TBC1D19: variants seen among roughly 807,000 people sequenced by gnomAD.
The protein encoded by TBC1D19 is TBC1 domain family, member 19.
In TBC1D19, 60 loss-of-function variants were observed where a neutral mutation model predicts 89.0. That is an observed-to-expected ratio of 0.67 (90% CI 0.55 to 0.84). The LOEUF is 0.84. Ranked by LOEUF, TBC1D19 falls within the 40% of genes least tolerant of loss-of-function variation. The pLI, the probability that TBC1D19 is intolerant of heterozygous loss-of-function variation, is 0.00. For missense variants in TBC1D19, 500 were observed against 610.8 expected (o/e 0.82, Z 1.91); for synonymous variants, 189 against 199.7 (o/e 0.95, Z 0.45).
intron 14 of TBC1D19, 117 bp from the exon 15 acceptor site, chr4:26,719,964 C>A: frequency 1.5e-6 from 1 of 672,824 alleles, no homozygotes; most frequent in Non-Finnish European, 2.3e-6. Context: ...CATGAAATGA[C>A]ATATCAGTTT....
chr4:26,689,433 T>G (rs1399114115), intron 13 of TBC1D19, among the ~76,000 whole-genome samples: 1 of 152,168 alleles, frequency 6.6e-6, no homozygotes, highest in Non-Finnish European at 1.5e-5. Context: ...AGTAAATTTT[T>G]GAATATACAG....
rs979797692 is a variant in TBC1D19, at chr4:26,755,070, C to G, written c.*123C>G. ...TAAGCCAATAAAGATCATGTTCCCTCTTCAGTTAAACCTAAGTAGTTTCTC... is the reference window on the plus strand; with the variant it reads ...TAAGCCAATAAAGATCATGTTCCCTGTTCAGTTAAACCTAAGTAGTTTCTC... On this transcript the variant is annotated 3_prime_UTR_variant, in exon 21 of 21. Coordinates refer to ENST00000264866, the MANE Select transcript of TBC1D19 (RefSeq NM_018317.4). 4.8e-5 allele frequency: 39 copies of G among 816,054 alleles called. No homozygotes were observed. The highest frequency in any genetic ancestry group is 9.2e-6 in the Non-Finnish European group (5 of 543,876). The allele number at this position is 816,054 out of a possible 1,614,324, so 50.6% of individuals were successfully genotyped here. A position where few individuals can be genotyped will look rare whatever the true frequency, so the allele number is the denominator to read the frequency against.
intron 7 of TBC1D19, among the ~76,000 whole-genome samples, chr4:26,641,369 G>A (rs1446432481): frequency 2.6e-5 from 4 of 152,164 alleles, no homozygotes; most frequent in Non-Finnish European, 5.9e-5. Flanking sequence ...AAACAGAAAG[G>A]AATAGCATCA....
At chr4:26,589,128 A>T (rs1739607720) in intron 1 of TBC1D19, among the ~76,000 whole-genome samples, 1 of 152,150 alleles carries the variant, frequency 6.6e-6, no homozygotes, top group Non-Finnish European at 1.5e-5. Context: ...TACAAAAATT[A>T]GCCAGGTGTG....
At chr4:26,740,663 A>G in intron 17 of TBC1D19, 1 of 985,194 alleles carries the variant, frequency 1.0e-6, no homozygotes. Context: ...TAAGAGCAGT[A>G]TTTATTTTAT....
At chr4:26,622,500 T>C (rs1394643237) in intron 4 of TBC1D19, among the ~76,000 whole-genome samples, 3 of 152,148 alleles carry the variant, frequency 2.0e-5, no homozygotes, top group Non-Finnish European at 4.4e-5. Context: ...GGTACACGTA[T>C]GATACTCCTC....
chr4:26,651,959 T>G (rs1744421531), intron 7 of TBC1D19, among the ~76,000 whole-genome samples: 1 of 152,224 alleles, frequency 6.6e-6, no homozygotes, highest in African/African-American at 2.4e-5. Flanking sequence ...TTTCTGCATC[T>G]ATTGGGATAA....
intron 4 of TBC1D19, among the ~76,000 whole-genome samples, chr4:26,633,405 T>C (rs1742923611): frequency 6.6e-6 from 1 of 152,116 alleles, no homozygotes; most frequent in African/African-American, 2.4e-5. Flanking sequence ...TTGTCCAATA[T>C]CAAAACAGCT....
chr4:26,601,893 C>T (rs906052058), intron 1 of TBC1D19, among the ~76,000 whole-genome samples: 8 of 152,186 alleles, frequency 5.3e-5, no homozygotes, highest in African/African-American at 1.4e-4. Context: ...GCTTTGCTCC[C>T]GTTTTCCAGT....
intron 9 of TBC1D19, among the ~76,000 whole-genome samples, chr4:26,670,877 T>C (rs528369434): frequency 1.3e-5 from 2 of 151,624 alleles, no homozygotes; most frequent in Admixed American, 6.6e-5. Context: ...TTCAAGGTGT[T>C]GTAGAGAATT....
chr4:26,769,916 G>A, the TBC1D19 span, among the ~76,000 whole-genome samples: 7 of 151,876 alleles, frequency 4.6e-5, no homozygotes, highest in South Asian at 2.1e-4. Flanking sequence ...AGTTAAATAC[G>A]TATATTTTTT....
At chr4:26,772,106 G>C in the TBC1D19 span, among the ~76,000 whole-genome samples, 1 of 149,312 alleles carries the variant, frequency 6.7e-6, no homozygotes, top group East Asian at 2.0e-4. Flanking sequence ...TTTGACATAA[G>C]GTAGTTTTAG....
chr4:26,619,103 T>C (rs1031346365), intron 3 of TBC1D19, among the ~76,000 whole-genome samples: 1 of 152,212 alleles, frequency 6.6e-6, no homozygotes, highest in Admixed American at 6.5e-5. Context: ...TGAATGACTT[T>C]CAAGTTGTCT....
intron 19 of TBC1D19, among the ~76,000 whole-genome samples, chr4:26,748,973 C>T (rs999862019): frequency 3.3e-5 from 5 of 152,214 alleles, no homozygotes; most frequent in African/African-American, 4.8e-5. Context: ...CTCAGCTCTT[C>T]TGTGTCTATT....
At chr4:26,672,689 G>A (rs1180590760) in intron 10 of TBC1D19, among the ~76,000 whole-genome samples, 1 of 151,822 alleles carries the variant, frequency 6.6e-6, no homozygotes, top group Non-Finnish European at 1.5e-5. Flanking sequence ...TCTTTTCCTT[G>A]TTTTTATAAA....
intron 19 of TBC1D19, among the ~76,000 whole-genome samples, chr4:26,749,960 A>G (rs1050719681): frequency 1.3e-5 from 2 of 152,190 alleles, no homozygotes; most frequent in Admixed American, 6.5e-5. Flanking sequence ...TGGCAGTAAC[A>G]TATATAATCT....
At chr4:26,696,419 A>G (rs1714787700) in intron 13 of TBC1D19, among the ~76,000 whole-genome samples, 3 of 152,336 alleles carry the variant, frequency 2.0e-5, no homozygotes, top group African/African-American at 7.2e-5. Flanking sequence ...GGAGACTTTA[A>G]CACCCCACTG....
chr4:26,652,187 G>T (rs1317647245), intron 7 of TBC1D19, among the ~76,000 whole-genome samples: 9 of 151,988 alleles, frequency 5.9e-5, no homozygotes, highest in Admixed American at 5.2e-4. Context: ...TTTTTGTTGT[G>T]TCTCTGCCAG....
chr4:26,807,590 G>A, the TBC1D19 span, among the ~76,000 whole-genome samples: 1 of 152,096 alleles, frequency 6.6e-6, no homozygotes, highest in Non-Finnish European at 1.5e-5. Flanking sequence ...TACTAGAACC[G>A]CCCACCCCTC....
Sources: gnomAD v4.1 joint callset for allele counts (sites outside exome capture counted in the v4.1 genomes callset) on GRCh38, gnomAD v4.1.1 for gene constraint, MANE v1.5 for transcripts, NCBI Gene and HGNC (gene_info 2026-07-23, HGNC 2026-07-21) for gene names.